Variants in RBFOX1 observed in about 807,000 individuals in gnomAD.
The protein encoded by RBFOX1 is RNA binding protein fox-1 homolog 1.
RBFOX1 carries 8 observed loss-of-function variants against 57.7 expected under a neutral mutation model. The observed-to-expected ratio is 0.14, with a 90% CI of 0.08 to 0.25. The LOEUF (loss-of-function observed/expected upper bound fraction) is 0.25. Among genes scored for constraint, RBFOX1 ranks in the 10% least tolerant of loss-of-function variants. The probability of loss-of-function intolerance (pLI) is 1.00; values close to 1 mark genes in which losing one functional copy is unlikely to be tolerated. For synonymous variants in RBFOX1, 326 were observed against 222.4 expected (o/e 1.47, Z -4.15); for missense variants, 611 against 548.5 (o/e 1.11, Z -1.14).
chr16:6,587,700 G>T (rs1253034382), intron 2 of RBFOX1, among the ~76,000 whole-genome samples: 1 of 152,094 alleles, frequency 6.6e-6, no homozygotes, highest in Non-Finnish European at 1.5e-5. Flanking sequence ...ACAGAGAGAT[G>T]ATTTTTCAAA....
chr16:6,071,525 A>G (rs929629372), intron 1 of RBFOX1, among the ~76,000 whole-genome samples: 1 of 152,234 alleles, frequency 6.6e-6, no homozygotes, highest in African/African-American at 2.4e-5. Context: ...CTGAACTTAA[A>G]AAAACTGTTT....
intron 3 of RBFOX1, among the ~76,000 whole-genome samples, chr16:6,940,377 C>G (rs79132455): frequency 6.6e-6 from 1 of 152,084 alleles, no homozygotes; most frequent in African/African-American, 2.4e-5. Context: ...ACTTCCCATC[C>G]GACAATTCCA....
rs145055476 is a variant in RBFOX1 at position 6,880,503 on chromosome 16, G to T, written c.-15-171554G>T. On this transcript the variant is annotated intron_variant, in intron 3 of 15. Coordinates refer to ENST00000550418, the MANE Select transcript of RBFOX1 (RefSeq NM_018723.4). Reference sequence around the variant, plus strand: ...ACAAATGATGCAAAAGCTGGGCCAGGTAGAGAGATTTCCTGGAACCTTGCT... The same window carrying T: ...ACAAATGATGCAAAAGCTGGGCCAGTTAGAGAGATTTCCTGGAACCTTGCT... Among the ~76,000 whole-genome samples, 16 of 152,318 alleles carry T rather than the reference G, an allele frequency of 1.1e-4. 1 individual carries two copies. The East Asian group carries it at 3.1e-3, about 29-fold the overall frequency.
chr16:6,069,223 A>G (rs773803247), intron 1 of RBFOX1, among the ~76,000 whole-genome samples: 1 of 151,802 alleles, frequency 6.6e-6, no homozygotes, highest in African/African-American at 2.4e-5. Flanking sequence ...ATATGGAGAA[A>G]CCCCGTTTCT....
At chr16:6,150,644 CACTT>C (rs1171913521) in intron 1 of RBFOX1, among the ~76,000 whole-genome samples, 1 of 152,150 alleles carries the variant, frequency 6.6e-6, no homozygotes, top group Non-Finnish European at 1.5e-5. Flanking sequence ...CAGCATGACA[CACTT>C]ACGGAAATTA....
intron 3 of RBFOX1, among the ~76,000 whole-genome samples, chr16:6,734,889 G>T (rs1298663827): frequency 1.3e-5 from 2 of 152,130 alleles, no homozygotes; most frequent in East Asian, 1.9e-4. Context: ...CCTAGTAAAG[G>T]TTATCAGAAT....
At chr16:6,765,453 A>G (rs143702869) in intron 3 of RBFOX1, among the ~76,000 whole-genome samples, 2 of 152,230 alleles carry the variant, frequency 1.3e-5, no homozygotes, top group Non-Finnish European at 2.9e-5. Flanking sequence ...GGGCAATGAA[A>G]TAATCTGTGG....
chr16:5,687,136 G>A (rs534712057), intron 3 of RBFOX1, among the ~76,000 whole-genome samples: 1 of 152,232 alleles, frequency 6.6e-6, no homozygotes, highest in South Asian at 2.1e-4. Flanking sequence ...CTCTTTTATA[G>A]CAATGCAAAA....
chr16:7,182,093 G>T lies in RBFOX1; in HGVS notation c.27+129995G>T, dbSNP rs552645731. ...AATGAGTCTTCAGAAGCTTGTTCAT[G>T]ACAGTTCTTTAGTCATTGTCAGTGA... On this transcript the variant is annotated intron_variant, in intron 4 of 15. Transcript: ENST00000550418. Among the ~76,000 whole-genome samples, 3 of 152,288 alleles carry T rather than the reference G, an allele frequency of 2.0e-5. No individual in the cohort carries two copies. The East Asian group carries it at 5.8e-4, about 29-fold the overall frequency.
chr16:7,129,363 C>G (rs1403578863), intron 4 of RBFOX1, among the ~76,000 whole-genome samples: 1 of 152,092 alleles, frequency 6.6e-6, no homozygotes, highest in South Asian at 2.1e-4. Flanking sequence ...TCAGCCCTAC[C>G]TAAACCATGG....
At chr16:5,777,799 C>G (rs1490441101) in intron 3 of RBFOX1, among the ~76,000 whole-genome samples, 1 of 152,134 alleles carries the variant, frequency 6.6e-6, no homozygotes, top group Admixed American at 6.5e-5. Flanking sequence ...GAGTAATACC[C>G]TCACTCTCCT....
At chr16:5,423,714 G>A (rs59630622) in intron 1 of RBFOX1, among the ~76,000 whole-genome samples, 1,888 of 152,178 alleles carry the variant, frequency 0.012, 37 homozygotes, top group African/African-American at 0.042. Context: ...TTCCATTGAC[G>A]ATTGTACCTT....
chr16:6,232,524 C>T (rs886808065), intron 1 of RBFOX1, among the ~76,000 whole-genome samples: 1 of 152,184 alleles, frequency 6.6e-6, no homozygotes, highest in Non-Finnish European at 1.5e-5. Flanking sequence ...ATCGTTTCTG[C>T]TCCACCCTTC....
At chr16:6,519,293 G>T (rs1041285963) in intron 2 of RBFOX1, among the ~76,000 whole-genome samples, 1 of 152,136 alleles carries the variant, frequency 6.6e-6, no homozygotes, top group Admixed American at 6.5e-5. Flanking sequence ...GAATAGTCAG[G>T]TGATACTATT....
intron 2 of RBFOX1, among the ~76,000 whole-genome samples, chr16:6,508,621 T>G (rs2096174510): frequency 6.6e-6 from 1 of 152,162 alleles, no homozygotes; most frequent in African/African-American, 2.4e-5. Context: ...TTGCTGTTTC[T>G]TCTTTACTTT....
intron 1 of RBFOX1, among the ~76,000 whole-genome samples, chr16:6,164,645 TTTTG>T (rs1567595195): frequency 6.6e-6 from 1 of 150,500 alleles, no homozygotes; most frequent in South Asian, 2.1e-4. Context: ...TTTTGTTTTG[TTTTG>T]TTTTTTTTTA....
intron 4 of RBFOX1, among the ~76,000 whole-genome samples, chr16:7,188,991 G>C (rs1421803870): frequency 2.6e-5 from 4 of 152,170 alleles, no homozygotes; most frequent in Non-Finnish European, 5.9e-5. Context: ...GTTGGTTCAA[G>C]AACATCAGGC....
chr16:7,144,617 G>C (rs2074560420), intron 4 of RBFOX1, among the ~76,000 whole-genome samples: 1 of 151,720 alleles, frequency 6.6e-6, no homozygotes, highest in African/African-American at 2.4e-5. Flanking sequence ...GTTCAAGTCT[G>C]AACATTTAGT....
chr16:6,797,333 G>T (rs766232771), intron 3 of RBFOX1, among the ~76,000 whole-genome samples: 1 of 152,148 alleles, frequency 6.6e-6, no homozygotes, highest in African/African-American at 2.4e-5. Context: ...ATGAATGTGG[G>T]CAAAGGTGAA....
Sources: gnomAD v4.1 joint callset for allele counts (sites outside exome capture counted in the v4.1 genomes callset) on GRCh38, gnomAD v4.1.1 for gene constraint, MANE v1.5 for transcripts, NCBI Gene and HGNC (gene_info 2026-07-23, HGNC 2026-07-21) for gene names.